Variants in DPP10 observed in about 807,000 individuals in gnomAD.
The protein encoded by DPP10 is inactive dipeptidyl peptidase 10.
In DPP10, 33 loss-of-function variants were observed where a neutral mutation model predicts 120.9. The observed-to-expected ratio is 0.27, with a 90% CI of 0.21 to 0.37. The LOEUF (loss-of-function observed/expected upper bound fraction) is 0.37. Among genes scored for constraint, DPP10 ranks in the 10% least tolerant of loss-of-function variants. The pLI, the probability that DPP10 is intolerant of heterozygous loss-of-function variation, is 1.00. For synonymous variants in DPP10, 337 were observed against 326.1 expected, an observed-to-expected ratio of 1.03 and a Z score of -0.36; for missense variants, 816 against 942.8, an observed-to-expected ratio of 0.87 and a Z score of 1.76.
chr2:115,513,518 A>G (rs2077342519), intron 4 of DPP10, among the ~76,000 whole-genome samples: 2 of 151,324 alleles, frequency 1.3e-5, no homozygotes, highest in Admixed American at 6.6e-5. Flanking sequence ...TATATTTGCT[A>G]TTGTTCCTTT....
At chr2:114,861,875 G>C (rs768883904) in intron 1 of DPP10, among the ~76,000 whole-genome samples, 1 of 152,082 alleles carries the variant, frequency 6.6e-6, no homozygotes, top group Admixed American at 6.5e-5. Context: ...AATACAAGGT[G>C]CTTAAAGTAT....
intron 1 of DPP10, among the ~76,000 whole-genome samples, chr2:114,668,857 AT>A (rs1161260400): frequency 2.0e-5 from 3 of 151,842 alleles, no homozygotes. Context: ...GCCCTTTATT[AT>A]TTTCTCTCTC....
intron 1 of DPP10, among the ~76,000 whole-genome samples, chr2:114,698,026 C>T (rs1296463790): frequency 2.0e-5 from 3 of 152,008 alleles, no homozygotes; most frequent in African/African-American, 7.2e-5. Context: ...AAGAAATGTC[C>T]TCTTCTATGC....
intron 7 of DPP10, among the ~76,000 whole-genome samples, chr2:115,700,475 C>T (rs893827136): frequency 1.3e-5 from 2 of 152,074 alleles, no homozygotes; most frequent in Admixed American, 6.5e-5. Context: ...GAACGGTGAT[C>T]ATTATACTTA....
chr2:114,956,667 G>GAGGTATC (rs1320346962), intron 1 of DPP10, among the ~76,000 whole-genome samples: 4 of 152,070 alleles, frequency 2.6e-5, no homozygotes, highest in Non-Finnish European at 5.9e-5. Flanking sequence ...AAGAATCCTG[G>GAGGTATC]AGGTATCATG....
intron 1 of DPP10, chr2:115,143,920 AT>A (rs3215249): frequency 0.36 from 54,694 of 150,538 alleles, 11,034 homozygotes; most frequent in Non-Finnish European, 0.46. Context: ...GAAGAATAGT[AT>A]TTTTTTTTTG....
At chr2:115,082,436 A>C (rs1708350377) in intron 1 of DPP10, among the ~76,000 whole-genome samples, 1 of 152,204 alleles carries the variant, frequency 6.6e-6, no homozygotes, top group South Asian at 2.1e-4. Flanking sequence ...AGAATGCTAA[A>C]AACTCTTTGC....
At chr2:114,828,135 C>G (rs1280577819) in intron 1 of DPP10, among the ~76,000 whole-genome samples, 1 of 152,096 alleles carries the variant, frequency 6.6e-6, no homozygotes, top group Admixed American at 6.5e-5. Flanking sequence ...GTGAACAGGT[C>G]TTTCAGAGAC....
At chr2:115,781,141 T>G (rs1427692532) in intron 16 of DPP10, 146 bp downstream of exon 16, 8 of 513,538 alleles carry the variant, frequency 1.6e-5, no homozygotes, top group South Asian at 6.3e-5. Context: ...ATATATAGAC[T>G]TACTGAGATA....
intron 1 of DPP10, chr2:114,462,163 A>G (rs1573399054): frequency 2.0e-6 from 2 of 984,998 alleles, no homozygotes; most frequent in Non-Finnish European, 2.4e-6. Flanking sequence ...ATTAAAAAAT[A>G]CACATTAAAG....
At chr2:115,168,853 G>C (rs759417679) in intron 1 of DPP10, among the ~76,000 whole-genome samples, 15 of 152,124 alleles carry the variant, frequency 9.9e-5, no homozygotes, top group Non-Finnish European at 1.9e-4. Context: ...AATGGTAAAT[G>C]TGTCATCCAC....
At chr2:115,044,947 G>T (rs988877098) in intron 1 of DPP10, among the ~76,000 whole-genome samples, 2 of 152,086 alleles carry the variant, frequency 1.3e-5, no homozygotes, top group Admixed American at 6.6e-5. Context: ...CAAATGACAG[G>T]ATCTCATTCT....
intron 3 of DPP10, among the ~76,000 whole-genome samples, chr2:115,425,795 AC>A (rs2070400797): frequency 6.6e-6 from 1 of 152,202 alleles, no homozygotes; most frequent in South Asian, 2.1e-4. Flanking sequence ...TGCAGAGTGT[AC>A]AAGCATAGCA....
At chr2:115,465,256 T>C (rs1338196664) in intron 3 of DPP10, among the ~76,000 whole-genome samples, 1 of 152,142 alleles carries the variant, frequency 6.6e-6, no homozygotes, top group African/African-American at 2.4e-5. Flanking sequence ...CTGTTATTTC[T>C]TTTAAAACAC....
At chr2:114,754,827 C>T (rs1679580293) in intron 1 of DPP10, among the ~76,000 whole-genome samples, 1 of 152,134 alleles carries the variant, frequency 6.6e-6, no homozygotes, top group Admixed American at 6.5e-5. Flanking sequence ...AAGCACCAAA[C>T]CTGCATGGGA....
intron 1 of DPP10, among the ~76,000 whole-genome samples, chr2:114,701,794 T>G (rs2105818076): frequency 6.6e-6 from 1 of 152,228 alleles, no homozygotes; most frequent in East Asian, 1.9e-4. Context: ...TGTGGGGACT[T>G]ATAACACTGT....
chr2:114,548,243 G>C (rs774922974), intron 1 of DPP10, among the ~76,000 whole-genome samples: 1 of 152,200 alleles, frequency 6.6e-6, no homozygotes, highest in Non-Finnish European at 1.5e-5. Context: ...AGTTCAGGTA[G>C]TGGGATTGGA....
At chr2:115,775,655 A>C (rs1194428920) in intron 13 of DPP10, among the ~76,000 whole-genome samples, 1 of 152,112 alleles carries the variant, frequency 6.6e-6, no homozygotes, top group Non-Finnish European at 1.5e-5. Flanking sequence ...AAATGAAAAA[A>C]TATGGCATGT....
intron 3 of DPP10, among the ~76,000 whole-genome samples, chr2:115,399,431 C>T (rs1373241877): frequency 3.3e-5 from 5 of 152,190 alleles, no homozygotes; most frequent in Admixed American, 6.5e-5. Flanking sequence ...TATTATTTAT[C>T]TAAACTATTT....
Sources: allele counts gnomAD v4.1 joint callset (sites outside exome capture counted in the v4.1 genomes callset), GRCh38; gene constraint gnomAD v4.1.1; transcripts MANE v1.5; gene names NCBI Gene and HGNC (gene_info 2026-07-23, HGNC 2026-07-21).